Variants in KAZN observed in about 807,000 individuals in gnomAD.
KAZN encodes kazrin.
In KAZN, 40 loss-of-function variants were observed where a neutral mutation model predicts 87.4. That is an observed-to-expected ratio of 0.46 (90% CI 0.36 to 0.60). The LOEUF (loss-of-function observed/expected upper bound fraction) is 0.60. Ranked by LOEUF, KAZN falls within the 20% of genes least tolerant of loss-of-function variation. The probability of loss-of-function intolerance (pLI) is 0.00; values close to 1 mark genes in which losing one functional copy is unlikely to be tolerated. For missense variants in KAZN, 898 were observed against 1,073.9 expected (o/e 0.84, Z 2.29); for synonymous variants, 466 against 458.3 (o/e 1.02, Z -0.22).
intron 1 of KAZN, among the ~76,000 whole-genome samples, chr1:14,001,116 C>T (rs372900361): frequency 6.6e-6 from 1 of 152,182 alleles, no homozygotes; most frequent in African/African-American, 2.4e-5. Context: ...CCCATCATCT[C>T]AGCCCCAAAA....
intron 2 of KAZN, among the ~76,000 whole-genome samples, chr1:14,551,897 G>A (rs1474311439): frequency 6.6e-6 from 1 of 152,184 alleles, no homozygotes; most frequent in Non-Finnish European, 1.5e-5. Flanking sequence ...CCCGTGGGAT[G>A]AAAAAGCAGC....
At chr1:14,067,532 G>A (rs746462240) in intron 1 of KAZN, among the ~76,000 whole-genome samples, 20 of 152,336 alleles carry the variant, frequency 1.3e-4, no homozygotes, top group Middle Eastern at 3.4e-3. Flanking sequence ...TGGGGAGGAT[G>A]GGCATGGGCT....
chr1:15,071,981 G>T (rs569901782), intron 8 of KAZN, among the ~76,000 whole-genome samples: 1 of 152,118 alleles, frequency 6.6e-6, no homozygotes, highest in Admixed American at 6.5e-5. Context: ...AATCCTCAAC[G>T]GAAGATTTGC....
At chr1:14,625,473 A>G (rs185424514) in intron 1 of KAZN, among the ~76,000 whole-genome samples, 56 of 152,350 alleles carry the variant, frequency 3.7e-4, no homozygotes, top group Admixed American at 3.6e-3. Context: ...GACCAAAGGA[A>G]TCACTTAGAG....
intron 2 of KAZN, among the ~76,000 whole-genome samples, chr1:14,191,792 CTG>C (rs1037074544): frequency 2.6e-5 from 4 of 152,254 alleles, no homozygotes; most frequent in African/African-American, 9.6e-5. Flanking sequence ...ATCCATAAGA[CTG>C]TTAGTGGAAA....
chr1:14,530,916 A>G (rs141781958), intron 2 of KAZN, among the ~76,000 whole-genome samples: 3 of 152,222 alleles, frequency 2.0e-5, no homozygotes, highest in Admixed American at 1.3e-4. Context: ...CCTTGTCTCT[A>G]CAAAAAATTA....
chr1:14,958,077 T>TC (rs1433327254), intron 1 of KAZN, among the ~76,000 whole-genome samples: 1 of 152,166 alleles, frequency 6.6e-6, no homozygotes, highest in Non-Finnish European at 1.5e-5. Flanking sequence ...CGCCCCATCC[T>TC]CAGGGCTCAG....
intron 1 of KAZN, among the ~76,000 whole-genome samples, chr1:14,877,063 T>A (rs777652073): frequency 6.6e-6 from 1 of 152,216 alleles, no homozygotes; most frequent in South Asian, 2.1e-4. Flanking sequence ...GATCTTCCAG[T>A]CATGGCTGGT....
In KAZN at chr1:14,477,425, C is replaced by CCTCT. The variant is rs34725397; in HGVS notation, c.250-121542_250-121539dup. ...ATATACACTCCCAGGTAATTCATTC[C>CCTCT]CTCTCTCTCTCTCTCTCTCCCCCTC... On this transcript the variant is annotated intron_variant, in intron 2 of 16. Coordinates refer to the KAZN transcript ENST00000636203. Among the ~76,000 whole-genome samples, 88 of 142,330 alleles carry CCTCT rather than the reference C, an allele frequency of 6.2e-4. 3 individuals are homozygous for CCTCT. The highest frequency in any genetic ancestry group is 3.9e-4 in the African/African-American group (15 of 38,450). 93.4% of individuals were successfully genotyped at this position (142,330 alleles called of 152,430 possible).
chr1:14,002,352 A>C (rs1389964477), intron 1 of KAZN, among the ~76,000 whole-genome samples: 2 of 152,200 alleles, frequency 1.3e-5, no homozygotes, highest in Non-Finnish European at 1.5e-5. Flanking sequence ...AGGGACCCAG[A>C]GGGAGGTAAT....
At chr1:14,133,545 C>T (rs1208252284) in intron 1 of KAZN, among the ~76,000 whole-genome samples, 1 of 151,938 alleles carries the variant, frequency 6.6e-6, no homozygotes, top group Non-Finnish European at 1.5e-5. Context: ...CTTGGCTTGC[C>T]CAGTGTCTTT....
intron 1 of KAZN, among the ~76,000 whole-genome samples, chr1:13,973,918 T>G (rs189579684): frequency 6.6e-6 from 1 of 152,210 alleles, no homozygotes. Flanking sequence ...GGTCTGTTGG[T>G]TCACCAGGAG....
At chr1:14,867,407 C>T (rs1026659622) in intron 1 of KAZN, among the ~76,000 whole-genome samples, 7 of 152,116 alleles carry the variant, frequency 4.6e-5, no homozygotes, top group East Asian at 1.9e-4. Context: ...TGTATTCCCC[C>T]GGGACCTGAC....
chr1:14,955,927 C>A (rs1663036443), intron 1 of KAZN, among the ~76,000 whole-genome samples: 1 of 152,222 alleles, frequency 6.6e-6, no homozygotes, highest in Non-Finnish European at 1.5e-5. Flanking sequence ...TGGCATTAAA[C>A]ACAAGATGCC....
intron 1 of KAZN, among the ~76,000 whole-genome samples, chr1:13,975,887 A>T (rs554512275): frequency 1.5e-3 from 223 of 152,382 alleles, no homozygotes; most frequent in African/African-American, 5.0e-3. Context: ...AGGTGTTTTG[A>T]TGAAAAAGTA....
chr1:14,910,612 C>T (rs1272148176), intron 1 of KAZN, among the ~76,000 whole-genome samples: 1 of 152,158 alleles, frequency 6.6e-6, no homozygotes, highest in Non-Finnish European at 1.5e-5. Context: ...GAGTTTTGCC[C>T]AGGATAACCA....
At chr1:15,063,412 C>T (rs1638959504) in intron 6 of KAZN, 160 bp from the exon 7 acceptor site, 6 of 660,386 alleles carry the variant, frequency 9.1e-6, no homozygotes, top group South Asian at 3.4e-5. Context: ...CTGGGGGTAT[C>T]TGCTTCAGGA....
intron 2 of KAZN, among the ~76,000 whole-genome samples, chr1:14,483,822 C>A (rs1019132301): frequency 6.6e-6 from 1 of 152,126 alleles, no homozygotes; most frequent in Non-Finnish European, 1.5e-5. Context: ...GGTCATAGAT[C>A]AAAAAATCAT....
At chr1:14,610,169 C>A (rs573519828) in intron 1 of KAZN, among the ~76,000 whole-genome samples, 2 of 152,190 alleles carry the variant, frequency 1.3e-5, no homozygotes, top group Admixed American at 1.3e-4. Context: ...GTTTTACAAT[C>A]ATCTGACTTC....
Sources: gnomAD v4.1 joint callset for allele counts (sites outside exome capture counted in the v4.1 genomes callset) on GRCh38, gnomAD v4.1.1 for gene constraint, MANE v1.5 for transcripts, NCBI Gene and HGNC (gene_info 2026-07-23, HGNC 2026-07-21) for gene names.